The following MON2 variants were observed in gnomAD, a reference collection of about 807,000 sequenced individuals.
The protein encoded by MON2 is protein MON2 homolog.
Under a neutral mutation model 208.6 loss-of-function variants are expected in MON2, and 84 were observed. The observed-to-expected ratio is 0.40, with a 90% confidence interval of 0.34 to 0.48. MON2 has a LOEUF of 0.48. Ranked by LOEUF, MON2 falls within the 20% of genes least tolerant of loss-of-function variation. The pLI, the probability that MON2 is intolerant of heterozygous loss-of-function variation, is 0.59. For missense variants in MON2, 1,611 were observed against 2,015.4 expected (o/e 0.80, Z 3.84); for synonymous variants, 660 against 694.0 (o/e 0.95, Z 0.77).
Position 62,467,132 on chromosome 12 carries a change from G to A in MON2, c.-76G>A. 2 of 1,217,698 alleles carry A rather than the reference G, an allele frequency of 1.6e-6. No homozygotes were observed. The highest frequency in any genetic ancestry group is 2.4e-6 in the Non-Finnish European group (2 of 844,976). 75.4% of individuals were successfully genotyped at this position (1,217,698 alleles called of 1,614,324 possible). A position where few individuals can be genotyped will look rare whatever the true frequency, so the allele number is the denominator to read the frequency against. On this transcript the variant is annotated 5_prime_UTR_variant, in exon 1 of 35. Transcript: ENST00000393630. ...GGACCAGAGACACCGGGAGGGAGCT[G>A]CCTGTGGCCCTAAGGAGCTGACCGT...
chr12:62,484,142 T>C, intron 1 of MON2, 28 bp from the exon 2 acceptor site: 1 of 1,509,732 alleles, frequency 6.6e-7, no homozygotes, highest in Non-Finnish European at 9.1e-7. Flanking sequence ...CAGTAAATTT[T>C]GTGTTCTAAT....
intron 20 of MON2, among the ~76,000 whole-genome samples, chr12:62,543,999 T>G (rs964569397): frequency 2.6e-5 from 4 of 152,198 alleles, no homozygotes; most frequent in African/African-American, 7.2e-5. Flanking sequence ...GGATTTACAT[T>G]GTCTTACATT....
In MON2 at chr12:62,598,608, G is replaced by T. The variant is rs903742180; in HGVS notation, c.*5859G>T. 4 of 152,136 alleles carry T rather than the reference G, an allele frequency of 2.6e-5. No individual in the cohort carries two copies. The highest frequency in any genetic ancestry group is 9.7e-5 in the African/African-American group (4 of 41,424). The allele number at this position is 152,136 out of a possible 1,614,324, so 9.4% of individuals were successfully genotyped here. A position where few individuals can be genotyped will look rare whatever the true frequency, so the allele number is the denominator to read the frequency against. ...TCTCTTAAGGCAGCTACCATATGGT[G>T]TTTATGTCAGACTGGATATATTTAT... is the stretch of plus-strand genomic sequence containing the variant. On this transcript the variant is annotated 3_prime_UTR_variant, in exon 35 of 35. Coordinates refer to ENST00000393630, the MANE Select transcript of MON2 (RefSeq NM_015026.3).
intron 18 of MON2, 34 bp downstream of exon 18, chr12:62,538,359 T>A (rs1238071673): frequency 1.3e-6 from 2 of 1,587,892 alleles, no homozygotes; most frequent in Middle Eastern, 1.7e-4. Flanking sequence ...ATAAAAACAT[T>A]GTTATTTGTT....
Position 62,565,387 on chromosome 12 carries a change from T to A in MON2, c.4176+7T>A, listed in dbSNP as rs183752294. On this transcript the variant is annotated splice_region_variant and intron_variant, in intron 27 of 34. Coordinates refer to ENST00000393630, the MANE Select transcript of MON2 (RefSeq NM_015026.3). ...AAATGCAAAATATAATCAGGTAATT[T>A]ACTGTAAATTTTATTTACTTTGTAA... 4.9e-4 allele frequency: 775 copies of A among 1,591,272 alleles called. 6 individuals are homozygous for A. The African/African-American group carries it at 9.0e-3, about 18-fold the overall frequency.
At chr12:62,544,751 C>T in intron 20 of MON2, 147 bp from the exon 21 acceptor site, 1 of 1,531,176 alleles carries the variant, frequency 6.5e-7, no homozygotes. Context: ...ATTGCTTGCT[C>T]TTGCCCTTAT....
intron 24 of MON2, chr12:62,553,441 C>A: frequency 3.3e-6 from 1 of 300,456 alleles, no homozygotes; most frequent in Non-Finnish European, 6.1e-6. Context: ...TCCTTTTTTT[C>A]CCCCAGTTTT....
intron 23 of MON2, 37 bp from the exon 24 acceptor site, chr12:62,552,844 C>A (rs750447128): frequency 6.5e-7 from 1 of 1,545,618 alleles, no homozygotes; most frequent in African/African-American, 1.4e-5. Flanking sequence ...AAAACAAAAC[C>A]TTGGATGAAC....
chr12:62,510,128 A>T (rs973597386), intron 8 of MON2, among the ~76,000 whole-genome samples: 4 of 152,180 alleles, frequency 2.6e-5, no homozygotes, highest in Admixed American at 6.5e-5. Context: ...AAAATTAAAC[A>T]GACCTATAAC....
intron 2 of MON2, among the ~76,000 whole-genome samples, chr12:62,491,234 G>T (rs558018467): frequency 2.6e-5 from 4 of 152,118 alleles, no homozygotes; most frequent in Non-Finnish European, 4.4e-5. Flanking sequence ...TGCAGAATGG[G>T]TGCCATTGAC....
At chr12:62,581,486 G>A (rs944881511) in intron 32 of MON2, among the ~76,000 whole-genome samples, 42 of 152,142 alleles carry the variant, frequency 2.8e-4, no homozygotes, top group Admixed American at 2.5e-3. Context: ...CCAGGAGGCC[G>A]AGGTGACGGA....
chr12:62,470,819 T>C (rs915205314), intron 1 of MON2: 2 of 863,354 alleles, frequency 2.3e-6, no homozygotes, highest in South Asian at 4.1e-5. Flanking sequence ...CTGAAGATGA[T>C]TGGAGCCATT....
At chr12:62,491,918 T>G (rs2070162623) in intron 2 of MON2, among the ~76,000 whole-genome samples, 1 of 152,218 alleles carries the variant, frequency 6.6e-6, no homozygotes, top group African/African-American at 2.4e-5. Context: ...ATCATTTTAT[T>G]GAAGCTTTAT....
chr12:62,566,464 A>G lies in MON2; in HGVS notation c.4323+14A>G. The G allele has an allele frequency of 6.2e-7, 1 of 1,605,786 alleles. No individual in the cohort carries two copies. Among genetic ancestry groups the G allele is most frequent in the Non-Finnish European group, 8.5e-7 (1 of 1,175,436 alleles). On this transcript the variant is annotated intron_variant, in intron 29 of 34. Transcript: ENST00000393630. ...AATATTATTAAGGTATCTTTTTTTC[A>G]TTTCTACACTTTCATTAGATGGTGT...
intron 2 of MON2, among the ~76,000 whole-genome samples, chr12:62,490,521 A>C (rs1381980211): frequency 6.6e-6 from 1 of 152,126 alleles, no homozygotes; most frequent in African/African-American, 2.4e-5. Flanking sequence ...GATATCTCTC[A>C]GTTGGAAGAG....
intron 26 of MON2, among the ~76,000 whole-genome samples, chr12:62,563,635 T>C (rs2074273419): frequency 6.6e-6 from 1 of 152,136 alleles, no homozygotes; most frequent in South Asian, 2.1e-4. Context: ...ATGGAGTTTG[T>C]TGTTAAAAAA....
intron 24 of MON2, among the ~76,000 whole-genome samples, chr12:62,553,749 A>G (rs2073849886): frequency 6.6e-6 from 1 of 152,120 alleles, no homozygotes; most frequent in Non-Finnish European, 1.5e-5. Context: ...TAAAATCAGC[A>G]GTTTATTAGT....
At position 62,467,143 on chromosome 12, in the gene MON2, T is replaced by A; in HGVS notation, c.-65T>A. On this transcript the variant is annotated 5_prime_UTR_variant, in exon 1 of 35. Coordinates refer to ENST00000393630, the MANE Select transcript of MON2 (RefSeq NM_015026.3). Reference sequence around the variant, plus strand: ...ACCGGGAGGGAGCTGCCTGTGGCCCTAAGGAGCTGACCGTGCCAGAGCTTG... The same window carrying A: ...ACCGGGAGGGAGCTGCCTGTGGCCCAAAGGAGCTGACCGTGCCAGAGCTTG... 7 of 1,390,428 alleles carry A rather than the reference T, an allele frequency of 5.0e-6. No homozygotes were observed. The highest frequency in any genetic ancestry group is 1.4e-5 in the African/African-American group (1 of 70,794). The allele number at this position is 1,390,428 out of a possible 1,614,324, so 86.1% of individuals were successfully genotyped here.
At chr12:62,584,841 A>G (rs181570422) in intron 32 of MON2, among the ~76,000 whole-genome samples, 55 of 152,054 alleles carry the variant, frequency 3.6e-4, no homozygotes, top group African/African-American at 1.3e-3. Context: ...CAACTGCCGG[A>G]CTGGAGCAGA....
Sources: gnomAD v4.1 joint callset for allele counts (sites outside exome capture counted in the v4.1 genomes callset) on GRCh38, gnomAD v4.1.1 for gene constraint, MANE v1.5 for transcripts, NCBI Gene and HGNC (gene_info 2026-07-23, HGNC 2026-07-21) for gene names.